Variants in RPAP1 observed in about 807,000 individuals in gnomAD.
RPAP1 encodes RNA polymerase II-associated protein 1.
In RPAP1, 109 loss-of-function variants were observed where a neutral mutation model predicts 142.4. That is an observed-to-expected ratio of 0.77 (90% CI 0.66 to 0.90). The LOEUF is 0.90. RPAP1 is among the 40% of genes least tolerant of loss of function. RPAP1 has a pLI of 0.00. For missense variants in RPAP1, 1,546 were observed against 1,751.7 expected (o/e 0.88, Z 2.10); for synonymous variants, 704 against 738.9 (o/e 0.95, Z 0.77).
chr15:41,523,090 A>G lies in RPAP1; in HGVS notation c.2547-130T>C, dbSNP rs906756745. The G allele has an allele frequency of 5.3e-6, 5 of 938,266 alleles. No homozygotes were observed. In the African/African-American group the frequency reaches 6.8e-5, roughly 13 times the overall value. 58.1% of individuals were successfully genotyped at this position (938,266 alleles called of 1,614,324 possible). On this transcript the variant is annotated intron_variant, in intron 18 of 24. Coordinates refer to ENST00000304330, the MANE Select transcript of RPAP1 (RefSeq NM_015540.4). ...GAGGTCAGTGCTGCTCACACTCCTC[A>G]GAGCCCACCCCACTGCTGCCTGCTA...
At chr15:41,527,631 G>T in intron 11 of RPAP1, 26 bp from the exon 12 acceptor site, 10 of 1,595,974 alleles carry the variant, frequency 6.3e-6, no homozygotes, top group Non-Finnish European at 8.5e-6. Context: ...GAGTTGGGGG[G>T]CAATGCTGAA....
intron 6 of RPAP1, 27 bp from the exon 7 acceptor site, chr15:41,531,229 G>T: frequency 6.3e-7 from 1 of 1,592,594 alleles, no homozygotes; most frequent in South Asian, 1.1e-5. Flanking sequence ...AGGGGAGAGT[G>T]AGTGAGGGTA....
Position 41,527,562 on chromosome 15 carries a change from G to C in RPAP1, c.1472C>G (p.Thr491Arg). The C allele has an allele frequency of 6.2e-7, 1 of 1,614,036 alleles. No individual in the cohort carries two copies. The highest frequency in any genetic ancestry group is 8.5e-7 in the Non-Finnish European group (1 of 1,179,988). Reference protein sequence around the residue: ...STFSWYHGALTFPLMPSQEDK... With the variant: ...STFSWYHGALRFPLMPSQEDK... ...CTCCTGGCTGGGCATCAGAGGGAACGTCAAAGCTCCATGGTACCAAGAGAA... is the reference window on the plus strand; with the variant it reads ...CTCCTGGCTGGGCATCAGAGGGAACCTCAAAGCTCCATGGTACCAAGAGAA... The change falls in exon 12 of 25, where the codon ACG becomes AGG. Residue 491 changes from threonine (T) to arginine (R), a missense_variant. Thr to Arg is a moderately conservative substitution (Grantham distance 71, BLOSUM62 -1). This residue lies in a region of RPAP1 where 1,333 missense variants were observed against 1,486.6 expected (regional missense o/e 0.90). Transcript: ENST00000304330.
chr15:41,522,691 A>AC, intron 19 of RPAP1, 74 bp downstream of exon 19: 1 of 355,622 alleles, frequency 2.8e-6, no homozygotes, highest in Non-Finnish European at 5.3e-6. Flanking sequence ...CGCCCATCCC[A>AC]CCCTCCCACT....
rs1040343013 is a variant in RPAP1 at position 41,527,927 on chromosome 15, C to G, written c.1361G>C (p.Arg454Thr). The stretch of plus-strand genomic sequence containing the variant: ...GGCGGTTGCAATGACCCCATCCACT[C>G]TGTCATCCAAGGAGAAGCGCAGTAG... ...LFLLRFSLDDRVDGVIATAIR... is the reference protein window; with the variant it reads ...LFLLRFSLDDTVDGVIATAIR... The change falls in exon 11 of 25, where the codon AGA (arginine) becomes ACA (threonine). Residue 454 changes from arginine (R) to threonine (T), a missense_variant. Coordinates refer to ENST00000304330, the MANE Select transcript of RPAP1 (RefSeq NM_015540.4). 9 of 1,613,988 alleles carry G rather than the reference C, an allele frequency of 5.6e-6. No individual in the cohort carries two copies. Among genetic ancestry groups the G allele is most frequent in the African/African-American group, 2.7e-5 (2 of 74,908 alleles).
At chr15:41,536,321 G>A in intron 3 of RPAP1, 103 bp from the exon 4 acceptor site, 3 of 1,311,894 alleles carry the variant, frequency 2.3e-6, no homozygotes, top group Non-Finnish European at 3.3e-6. Flanking sequence ...CCTCACTCTG[G>A]GGGGTTACGG....
At chr15:41,526,801 G>C in intron 14 of RPAP1, 97 bp downstream of exon 14, 1 of 1,230,570 alleles carries the variant, frequency 8.1e-7, no homozygotes, top group Non-Finnish European at 1.1e-6. Context: ...GAAGAAGATG[G>C]CAAGAGCTGG....
chr15:41,526,716 C>A (rs2051793901), intron 14 of RPAP1, among the ~76,000 whole-genome samples, 182 bp downstream of exon 14: 1 of 152,144 alleles, frequency 6.6e-6, no homozygotes, highest in African/African-American at 2.4e-5. Flanking sequence ...GCACCAGGCT[C>A]CAGTAAACAG....
chr15:41,529,795 G>A, intron 8 of RPAP1, 69 bp downstream of exon 8: 1 of 1,175,304 alleles, frequency 8.5e-7, no homozygotes, highest in South Asian at 1.5e-5. Flanking sequence ...TGAGTTCTGA[G>A]GGCAAGAGCA....
chr15:41,522,329 C>A, intron 19 of RPAP1, 79 bp from the exon 20 acceptor site: 1 of 1,324,132 alleles, frequency 7.6e-7, no homozygotes, highest in South Asian at 1.4e-5. Context: ...TGCCCCTCTC[C>A]AGACTCAGGG....
Position 41,519,032 on chromosome 15 carries a change from G to A in RPAP1, c.3796-850C>T, listed in dbSNP as rs192723310. ...CAGGCTCCTGAGTAACTGGGTCTAC[G>A]GGCAAATCACCAGGTCTGGCTAATT... On this transcript the variant is annotated intron_variant, in intron 22 of 24. Coordinates refer to ENST00000304330, the MANE Select transcript of RPAP1 (RefSeq NM_015540.4). Among the ~76,000 whole-genome samples the A allele has an allele frequency of 1.3e-3, 197 of 151,740 alleles. 1 individual carries two copies. The highest frequency in any genetic ancestry group is 4.7e-3 in the African/African-American group (193 of 41,330).
intron 6 of RPAP1, 48 bp downstream of exon 6, chr15:41,534,666 G>T: frequency 7.2e-7 from 1 of 1,389,370 alleles, no homozygotes. Context: ...TCAATAAGTG[G>T]TATTCCTCTC....
At chr15:41,524,355 G>T in intron 15 of RPAP1, 101 bp from the exon 16 acceptor site, 1 of 1,049,662 alleles carries the variant, frequency 9.5e-7, no homozygotes. Flanking sequence ...TGATAAAGGA[G>T]GATGAGGAGG....
At position 41,520,466 on chromosome 15, in the gene RPAP1, G is replaced by A. The variant is rs1401328065; in HGVS notation, c.3720C>T (p.Phe1240=). The change falls in exon 22 of 25, where the codon TTC becomes TTT. Residue 1240 remains phenylalanine (F), a synonymous_variant. Transcript: ENST00000304330. ...AGAGGGCAAGGCGCAAGGTGACACT[G>A]AACCGACGCTGCAGGGGCAGGAGGA... is the stretch of plus-strand genomic sequence containing the variant. The part of the protein sequence containing the change: ...ALVLLPLQRR[F]SVTLRLALFG... The A allele has an allele frequency of 1.2e-6, 2 of 1,614,098 alleles. No individual in the cohort carries two copies. Among genetic ancestry groups the A allele is most frequent in the Non-Finnish European group, 1.7e-6 (2 of 1,179,994 alleles).
chr15:41,527,475 G>C lies in RPAP1; in HGVS notation c.1559C>G (p.Pro520Arg). Reference protein sequence around the residue: ...CPAGKAKRKSPEEESRPPPDL... With the variant: ...CPAGKAKRKSREEESRPPPDL... ...AGGTGGAGGCCGGCTTTCTTCTTCAGGGCTTTTCCTTTTTGCTTTTCCTGC... is the reference window on the plus strand; with the variant it reads ...AGGTGGAGGCCGGCTTTCTTCTTCACGGCTTTTCCTTTTTGCTTTTCCTGC... The change falls in exon 12 of 25, where the codon CCT (proline) becomes CGT (arginine). Residue 520 changes from proline (P) to arginine (R), a missense_variant. Pro to Arg is a moderately radical substitution (Grantham distance 103). Transcript: ENST00000304330. 1.2e-6 allele frequency: 2 copies of C among 1,614,208 alleles called. No individual in the cohort carries two copies. The highest frequency in any genetic ancestry group is 1.7e-6 in the Non-Finnish European group (2 of 1,180,036).
intron 6 of RPAP1, among the ~76,000 whole-genome samples, chr15:41,532,299 C>T (rs577309457): frequency 1.3e-5 from 2 of 152,090 alleles, no homozygotes; most frequent in South Asian, 4.2e-4. Context: ...GGATTACAGG[C>T]GTGAGCCTCC....
chr15:41,532,042 GAC>G (rs2051857446), intron 6 of RPAP1, among the ~76,000 whole-genome samples: 6 of 143,510 alleles, frequency 4.2e-5, no homozygotes. Context: ...TTTTTTTTGA[GAC>G]AGAGTCTCAC....
At chr15:41,528,403 G>A in intron 9 of RPAP1, 67 bp from the exon 10 acceptor site, 1 of 1,064,362 alleles carries the variant, frequency 9.4e-7, no homozygotes, top group Non-Finnish European at 1.4e-6. Context: ...CACCAAGCAA[G>A]GTATCACAGG....
intron 22 of RPAP1, chr15:41,519,514 A>C (rs2140755135): frequency 6.6e-6 from 1 of 152,292 alleles, no homozygotes; most frequent in Non-Finnish European, 1.5e-5. Context: ...CCTGGCAAAC[A>C]TAGTAACTCT....
Sources: gnomAD v4.1 joint callset for allele counts (sites outside exome capture counted in the v4.1 genomes callset) on GRCh38, gnomAD v4.1.1 for gene constraint, gnomAD v4.1.1 regional missense constraint, MANE v1.5 for transcripts, NCBI Gene and HGNC (gene_info 2026-07-23, HGNC 2026-07-21) for gene names.